Variants in WWC1 observed in about 807,000 individuals in gnomAD.
WWC1 encodes WW and C2 domain containing 1.
Under a neutral mutation model 138.4 loss-of-function variants are expected in WWC1, and 55 were observed. The ratio of observed to expected loss-of-function variants is 0.40; its 90% confidence interval spans 0.32 to 0.50. WWC1 has a LOEUF of 0.50. Among genes scored for constraint, WWC1 ranks in the 20% least tolerant of loss-of-function variants. The pLI, the probability that WWC1 is intolerant of heterozygous loss-of-function variation, is 0.72. For missense variants in WWC1, 1,226 were observed against 1,420.4 expected (o/e 0.86, Z 2.20); for synonymous variants, 524 against 564.9 (o/e 0.93, Z 1.03).
intron 3 of WWC1, among the ~76,000 whole-genome samples, chr5:168,388,300 A>T (rs1402151742): frequency 4.1e-5 from 6 of 147,762 alleles, no homozygotes; most frequent in Admixed American, 1.4e-4. Flanking sequence ...TTTTTTTTTT[A>T]AAGCCTAAAG....
chr5:168,343,560 A>G (rs192792833), intron 1 of WWC1, among the ~76,000 whole-genome samples: 178 of 152,176 alleles, frequency 1.2e-3, no homozygotes, highest in African/African-American at 4.0e-3. Context: ...GTGGTGGCTC[A>G]CGCCTGTAAT....
chr5:168,340,751 G>T (rs1209171089), intron 1 of WWC1, among the ~76,000 whole-genome samples: 12 of 152,152 alleles, frequency 7.9e-5, no homozygotes, highest in Non-Finnish European at 1.6e-4. Context: ...GGATATTTGG[G>T]TTATTCTCAC....
chr5:168,383,134 G>A (rs1374201413), intron 2 of WWC1, among the ~76,000 whole-genome samples: 2 of 149,560 alleles, frequency 1.3e-5, no homozygotes, highest in Non-Finnish European at 3.0e-5. Flanking sequence ...CCAAGATCAC[G>A]CCACTGCACT....
intron 19 of WWC1, among the ~76,000 whole-genome samples, chr5:168,459,324 A>G (rs1160850489): frequency 6.6e-6 from 1 of 151,718 alleles, no homozygotes; most frequent in Non-Finnish European, 1.5e-5. Context: ...CAACCAGTTT[A>G]TATGAATCTA....
At chr5:168,430,283 G>T (rs1781840015) in intron 14 of WWC1, 60 bp downstream of exon 14, 1 of 1,478,236 alleles carries the variant, frequency 6.8e-7, no homozygotes, top group African/African-American at 1.4e-5. Context: ...TACCCCTGGG[G>T]GTCACTTTTC....
chr5:168,422,260 G>T (rs113624892), intron 10 of WWC1, among the ~76,000 whole-genome samples, 163 bp downstream of exon 10: 1 of 152,228 alleles, frequency 6.6e-6, no homozygotes, highest in African/African-American at 2.4e-5. Flanking sequence ...GCGTGGCCTG[G>T]TGTAGCTAGG....
chr5:168,297,181 G>T (rs13164530), intron 1 of WWC1, among the ~76,000 whole-genome samples: 18,313 of 152,248 alleles, frequency 0.12, 1,294 homozygotes, highest in Admixed American at 0.23. Context: ...AGTCTGACAT[G>T]CAGGGGACAC....
At chr5:168,324,348 G>A (rs1772360166) in intron 1 of WWC1, among the ~76,000 whole-genome samples, 1 of 152,074 alleles carries the variant, frequency 6.6e-6, no homozygotes, top group South Asian at 2.1e-4. Context: ...CAGGAGAATC[G>A]CTTGAACCTA....
At chr5:168,414,614 G>A in intron 9 of WWC1, 24 bp downstream of exon 9, 1 of 1,536,728 alleles carries the variant, frequency 6.5e-7, no homozygotes, top group Non-Finnish European at 8.8e-7. Context: ...CCCAGGGTGT[G>A]TAGGACCCTT....
At chr5:168,388,769 G>T (rs1778234347) in intron 3 of WWC1, among the ~76,000 whole-genome samples, 1 of 151,816 alleles carries the variant, frequency 6.6e-6, no homozygotes, top group Non-Finnish European at 1.5e-5. Flanking sequence ...GGCGGAGGTT[G>T]CAGTGAGCCA....
chr5:168,378,786 C>T (rs903310508), intron 2 of WWC1, among the ~76,000 whole-genome samples: 6 of 152,210 alleles, frequency 3.9e-5, no homozygotes, highest in Non-Finnish European at 7.3e-5. Flanking sequence ...TAGGTTTAAA[C>T]TCTTACTTCA....
intron 5 of WWC1, among the ~76,000 whole-genome samples, chr5:168,403,871 T>TAC (rs57788100): frequency 0.092 from 12,396 of 134,230 alleles, 745 homozygotes; most frequent in Admixed American, 0.23. Flanking sequence ...AACACATGCA[T>TAC]ACACACACAC....
At chr5:168,407,855 C>T (rs936998104) in intron 6 of WWC1, among the ~76,000 whole-genome samples, 1 of 151,318 alleles carries the variant, frequency 6.6e-6, no homozygotes, top group African/African-American at 2.4e-5. Context: ...ATAGGACCTG[C>T]GATTCTTCCC....
At chr5:168,403,047 TTTCTTTCTTTCTTTCTTTC>T (rs1779466030) in intron 5 of WWC1, among the ~76,000 whole-genome samples, 1 of 132,028 alleles carries the variant, frequency 7.6e-6, no homozygotes, top group African/African-American at 3.3e-5. Flanking sequence ...TCTTTCTTTC[TTTCTTTCTTTCTTTCTTTC>T]TTTCTTTCTT....
chr5:168,457,559 C>T (rs58496231), intron 19 of WWC1, among the ~76,000 whole-genome samples: 33,809 of 151,996 alleles, frequency 0.22, 4,244 homozygotes, highest in East Asian at 0.34. Context: ...GCAGTATATG[C>T]AGGAAAATTT....
chr5:168,421,849 C>T (rs1781109731), intron 9 of WWC1, among the ~76,000 whole-genome samples, 159 bp from the exon 10 acceptor site: 2 of 152,182 alleles, frequency 1.3e-5, no homozygotes, highest in Admixed American at 1.3e-4. Flanking sequence ...TTGCAGTTAT[C>T]ATAGGATTAT....
At position 168,469,349 on chromosome 5, in the gene WWC1, G is replaced by A. The variant is rs1757566020; in HGVS notation, c.*332G>A. The A allele has an allele frequency of 2.8e-5, 8 of 285,266 alleles. No individual in the cohort carries two copies. In the South Asian group the frequency reaches 2.9e-4, roughly 11 times the overall value. 17.7% of individuals were successfully genotyped at this position (285,266 alleles called of 1,614,324 possible). A position where few individuals can be genotyped will look rare whatever the true frequency, so the allele number is the denominator to read the frequency against. On this transcript the variant is annotated 3_prime_UTR_variant, in exon 23 of 23. Coordinates refer to ENST00000265293, the MANE Select transcript of WWC1 (RefSeq NM_015238.3). ...TTGAGTTGCTGCTCTTCTTAAAATCGTTTAGATTTTTTTTGGTTTGTACAG... is the reference window on the plus strand; with the variant it reads ...TTGAGTTGCTGCTCTTCTTAAAATCATTTAGATTTTTTTTGGTTTGTACAG...
intron 10 of WWC1, among the ~76,000 whole-genome samples, chr5:168,422,860 GT>G (rs1354888691): frequency 6.6e-6 from 1 of 152,082 alleles, no homozygotes; most frequent in African/African-American, 2.4e-5. Flanking sequence ...AAAACAGTGA[GT>G]TGGGGCAGGC....
rs1330399960 is a variant in WWC1, at chr5:168,336,594, A to AC, written c.120-34830_120-34829insC. On this transcript the variant is annotated intron_variant, in intron 1 of 22. Coordinates refer to ENST00000265293, the MANE Select transcript of WWC1 (RefSeq NM_015238.3). ...CTCAAAAAAAAAAAAAAAAAAAAAA[A>AC]ACAATACCTTGTGATCTCCATCCTC... is the stretch of plus-strand genomic sequence containing the variant. 2.6e-4 allele frequency among the ~76,000 whole-genome samples: 39 copies of AC among 147,530 alleles called. No homozygotes were observed. In the South Asian group the frequency reaches 4.5e-3, roughly 17 times the overall value.
Sources: gnomAD v4.1 joint callset for allele counts (sites outside exome capture counted in the v4.1 genomes callset) on GRCh38, gnomAD v4.1.1 for gene constraint, MANE v1.5 for transcripts, NCBI Gene and HGNC (gene_info 2026-07-23, HGNC 2026-07-21) for gene names.